The following ACSS3 variants were observed in gnomAD, a reference collection of about 807,000 sequenced individuals.
ACSS3 encodes the protein acyl-CoA synthetase short-chain family member 3, mitochondrial.
Under a neutral mutation model 84.2 loss-of-function variants are expected in ACSS3, and 64 were observed. The ratio of observed to expected loss-of-function variants is 0.76; its 90% CI spans 0.62 to 0.94. The LOEUF (loss-of-function observed/expected upper bound fraction) is 0.94. Ranked by LOEUF, ACSS3 falls within the 40% of genes least tolerant of loss-of-function variation. The pLI is 0.00. For synonymous variants in ACSS3, 317 were observed against 310.1 expected, an observed-to-expected ratio of 1.02 and a Z score of -0.23; for missense variants, 815 against 867.6, an observed-to-expected ratio of 0.94 and a Z score of 0.76.
intron 2 of ACSS3, among the ~76,000 whole-genome samples, chr12:81,120,313 A>T (rs1394189862): frequency 6.6e-6 from 1 of 152,226 alleles, no homozygotes; most frequent in Admixed American, 6.5e-5. Flanking sequence ...TAGTAGGAAG[A>T]GAATAGAAGA....
intron 9 of ACSS3, among the ~76,000 whole-genome samples, chr12:81,205,926 T>G (rs9888380): frequency 0.26 from 39,144 of 152,010 alleles, 5,318 homozygotes; most frequent in East Asian, 0.48. Context: ...ATCTTGTATA[T>G]TTACTGCAAA....
At chr12:81,180,799 A>C (rs1482020084) in intron 8 of ACSS3, among the ~76,000 whole-genome samples, 1 of 152,226 alleles carries the variant, frequency 6.6e-6, no homozygotes, top group Non-Finnish European at 1.5e-5. Context: ...TACAAGAATG[A>C]GCCACTGCGC....
intron 3 of ACSS3, among the ~76,000 whole-genome samples, chr12:81,138,619 T>C (rs1223400980): frequency 6.6e-6 from 1 of 152,160 alleles, no homozygotes; most frequent in Non-Finnish European, 1.5e-5. Context: ...GAAAATAATA[T>C]AATGTAATAT....
At chr12:81,207,847 A>G (rs10735439) in intron 9 of ACSS3, among the ~76,000 whole-genome samples, 102,512 of 151,878 alleles carry the variant, frequency 0.67, 34,916 homozygotes, top group Non-Finnish European at 0.73. Context: ...GTTAAACACA[A>G]GGTTATTTAT....
chr12:81,247,368 A>G (rs1438755039), intron 13 of ACSS3, among the ~76,000 whole-genome samples: 1 of 152,134 alleles, frequency 6.6e-6, no homozygotes, highest in Non-Finnish European at 1.5e-5. Flanking sequence ...GTATCAACCT[A>G]TTCAAAGATA....
At chr12:81,223,490 T>C (rs577360628) in intron 11 of ACSS3, among the ~76,000 whole-genome samples, 73 of 152,166 alleles carry the variant, frequency 4.8e-4, no homozygotes, top group Non-Finnish European at 7.6e-4. Context: ...ATAATCCTGC[T>C]CCTTTCTAAA....
chr12:81,223,728 G>A (rs2033183649), intron 11 of ACSS3, among the ~76,000 whole-genome samples: 1 of 151,936 alleles, frequency 6.6e-6, no homozygotes, highest in Non-Finnish European at 1.5e-5. Flanking sequence ...TGAAAATCTC[G>A]AGAAAATCCT....
chr12:81,246,518 C>T (rs965109460), intron 13 of ACSS3, among the ~76,000 whole-genome samples: 3 of 152,138 alleles, frequency 2.0e-5, no homozygotes. Context: ...AACAAAATCC[C>T]CAAACTTCCA....
chr12:81,093,408 G>C (rs1269105731), intron 1 of ACSS3, among the ~76,000 whole-genome samples: 1 of 151,132 alleles, frequency 6.6e-6, no homozygotes, highest in Non-Finnish European at 1.5e-5. Flanking sequence ...AGCCGAGACT[G>C]CACCAATGCA....
intron 4 of ACSS3, among the ~76,000 whole-genome samples, chr12:81,142,494 G>T (rs11114777): frequency 0.079 from 12,003 of 152,196 alleles, 619 homozygotes; most frequent in Non-Finnish European, 0.11. Context: ...TTACTAGAAG[G>T]AGGAAAACTT....
chr12:81,163,931 T>G (rs1887279593), intron 7 of ACSS3, among the ~76,000 whole-genome samples: 1 of 152,222 alleles, frequency 6.6e-6, no homozygotes, highest in East Asian at 1.9e-4. Flanking sequence ...AGTAAAATAG[T>G]TACAGTAAGC....
chr12:81,111,413 G>C (rs540961037), intron 2 of ACSS3, among the ~76,000 whole-genome samples: 1 of 152,062 alleles, frequency 6.6e-6, no homozygotes, highest in Non-Finnish European at 1.5e-5. Context: ...CTTACATCCA[G>C]GGGAGAGGCC....
At chr12:81,085,149 GA>G (rs1593017992) in intron 1 of ACSS3, among the ~76,000 whole-genome samples, 2 of 152,246 alleles carry the variant, frequency 1.3e-5, no homozygotes, top group East Asian at 3.9e-4. Context: ...TGCTCAACAG[GA>G]CTCCTTGTTT....
chr12:81,221,620 C>G (rs1186148155), intron 11 of ACSS3, among the ~76,000 whole-genome samples: 2 of 152,004 alleles, frequency 1.3e-5, no homozygotes, highest in African/African-American at 4.8e-5. Flanking sequence ...AACAACATAT[C>G]CATCAAGATG....
At chr12:81,188,599 G>C (rs1166133520) in intron 8 of ACSS3, among the ~76,000 whole-genome samples, 1 of 151,818 alleles carries the variant, frequency 6.6e-6, no homozygotes, top group Non-Finnish European at 1.5e-5. Context: ...TTTTGAACTT[G>C]ATATAAATGG....
intron 2 of ACSS3, among the ~76,000 whole-genome samples, chr12:81,128,576 A>C (rs1292617067): frequency 6.6e-6 from 1 of 152,186 alleles, no homozygotes; most frequent in Non-Finnish European, 1.5e-5. Context: ...GTTATTGACA[A>C]ATTTAAAAAC....
rs1229682238 is a variant in ACSS3 at position 81,134,936 on chromosome 12, G to A, written c.577G>A (p.Ala193Thr). The A allele has an allele frequency of 8.7e-6, 14 of 1,606,488 alleles. No individual in the cohort carries two copies. Among genetic ancestry groups the A allele is most frequent in the Admixed American group, 1.7e-5 (1 of 59,064 alleles). ...CATGTTGGCATGTGCAAGGATAGGT[G>A]CCATCCACAGTCTCATATTTGGAGG... ...YTMLACARIG[A>T]IHSLIFGGFA... The change falls in exon 3 of 16, where the codon GCC becomes ACC. Residue 193 changes from alanine to threonine, a missense_variant. Physicochemically the swap from Ala to Thr is moderately conservative, Grantham distance 58. Coordinates refer to ENST00000548058, the MANE Select transcript of ACSS3 (RefSeq NM_024560.4).
At chr12:81,080,458 TTC>T (rs1463913712) in intron 1 of ACSS3, among the ~76,000 whole-genome samples, 15 of 152,190 alleles carry the variant, frequency 9.9e-5, no homozygotes, top group Admixed American at 4.6e-4. Context: ...CGTATCTGAA[TTC>T]TTTATCTTTT....
At chr12:81,201,942 A>T (rs2032130652) in intron 9 of ACSS3, among the ~76,000 whole-genome samples, 1 of 152,132 alleles carries the variant, frequency 6.6e-6, no homozygotes. Context: ...AAAAAAATCA[A>T]TTTATCATTT....
Sources: allele counts gnomAD v4.1 joint callset (sites outside exome capture counted in the v4.1 genomes callset), GRCh38; gene constraint gnomAD v4.1.1; transcripts MANE v1.5; gene names NCBI Gene and HGNC (gene_info 2026-07-23, HGNC 2026-07-21).